Variants in AGBL1 observed in about 807,000 individuals in gnomAD.
AGBL1 encodes cytosolic carboxypeptidase 4.
A neutral mutation model predicts 118.9 loss-of-function variants in AGBL1; 130 were observed. That is an observed-to-expected ratio of 1.09 (90% CI 0.95 to 1.26). The LOEUF (loss-of-function observed/expected upper bound fraction) is 1.26. Among genes scored for constraint, AGBL1 ranks in the 50% most tolerant of loss-of-function variants. AGBL1 has a pLI of 0.00. For synonymous variants in AGBL1, 555 were observed against 478.9 expected (o/e 1.16, Z -2.08); for missense variants, 1,584 against 1,298.1 (o/e 1.22, Z -3.38).
At chr15:86,515,990 C>G (rs2083116178) in intron 18 of AGBL1, among the ~76,000 whole-genome samples, 1 of 152,160 alleles carries the variant, frequency 6.6e-6, no homozygotes, top group Non-Finnish European at 1.5e-5. Context: ...AAAGGTGGGA[C>G]AACTCAAAGC....
chr15:86,724,716 T>C (rs550486623), intron 22 of AGBL1, among the ~76,000 whole-genome samples: 4 of 152,150 alleles, frequency 2.6e-5, no homozygotes, highest in Admixed American at 2.0e-4. Flanking sequence ...GTTGGGGTCA[T>C]GGGAGTGGAT....
At chr15:86,744,320 A>T (rs2077722882) in intron 22 of AGBL1, among the ~76,000 whole-genome samples, 1 of 152,146 alleles carries the variant, frequency 6.6e-6, no homozygotes, top group Non-Finnish European at 1.5e-5. Context: ...CTTTCTGCTC[A>T]GGAATAAATT....
chr15:86,653,955 A>G (rs74027348), intron 21 of AGBL1, among the ~76,000 whole-genome samples: 1 of 152,278 alleles, frequency 6.6e-6, no homozygotes, highest in African/African-American at 2.4e-5. Flanking sequence ...ATGAAAGCAG[A>G]TTAGAGCAGA....
chr15:86,685,599 A>G (rs1433834108), intron 22 of AGBL1, among the ~76,000 whole-genome samples: 1 of 152,114 alleles, frequency 6.6e-6, no homozygotes, highest in Non-Finnish European at 1.5e-5. Flanking sequence ...TGGAAGTGTG[A>G]TAAAGATTTG....
At chr15:86,512,251 T>C (rs753648169) in intron 18 of AGBL1, among the ~76,000 whole-genome samples, 3 of 151,932 alleles carry the variant, frequency 2.0e-5, no homozygotes, top group Non-Finnish European at 4.4e-5. Flanking sequence ...AATGTCCATA[T>C]CTTTCTGCTC....
At chr15:86,717,148 G>A (rs1267988532) in intron 22 of AGBL1, among the ~76,000 whole-genome samples, 2 of 152,186 alleles carry the variant, frequency 1.3e-5, no homozygotes, top group Non-Finnish European at 2.9e-5. Flanking sequence ...GATGAAAGAA[G>A]CCACAAGGGA....
intron 18 of AGBL1, among the ~76,000 whole-genome samples, chr15:86,449,766 G>A (rs1420336942): frequency 6.6e-6 from 1 of 152,178 alleles, no homozygotes; most frequent in Non-Finnish European, 1.5e-5. Context: ...GGTGTTCAGT[G>A]AGGCAGATTC....
intron 18 of AGBL1, among the ~76,000 whole-genome samples, chr15:86,459,718 C>G (rs1477962749): frequency 6.6e-6 from 1 of 152,038 alleles, no homozygotes; most frequent in East Asian, 1.9e-4. Flanking sequence ...AGGTCATATG[C>G]TTTTTGGAAA....
At chr15:86,406,904 A>G (rs531947610) in intron 18 of AGBL1, among the ~76,000 whole-genome samples, 2 of 152,260 alleles carry the variant, frequency 1.3e-5, no homozygotes, top group East Asian at 3.9e-4. Context: ...AAAGATGAAT[A>G]TTTTGTTTAT....
chr15:86,696,665 T>G (rs2086267590), intron 22 of AGBL1, among the ~76,000 whole-genome samples: 1 of 151,934 alleles, frequency 6.6e-6, no homozygotes, highest in Non-Finnish European at 1.5e-5. Flanking sequence ...TTGTTGTTTT[T>G]TTAATTGTAT....
chr15:86,996,872 G>A (rs1036332163), intron 24 of AGBL1, among the ~76,000 whole-genome samples: 7 of 152,034 alleles, frequency 4.6e-5, no homozygotes, highest in African/African-American at 1.4e-4. Flanking sequence ...TAAAAACAAT[G>A]ACAAAACTTG....
chr15:86,941,243 T>C (rs982152910), intron 23 of AGBL1, among the ~76,000 whole-genome samples: 8 of 152,202 alleles, frequency 5.3e-5, no homozygotes, highest in African/African-American at 1.9e-4. Context: ...TTCCTCCACA[T>C]TTGAAATGTA....
At chr15:86,923,542 T>A (rs189810394) in intron 23 of AGBL1, among the ~76,000 whole-genome samples, 2 of 152,248 alleles carry the variant, frequency 1.3e-5, no homozygotes, top group South Asian at 4.1e-4. Flanking sequence ...CTTCTATCCA[T>A]GAACGCTTAA....
intron 24 of AGBL1, among the ~76,000 whole-genome samples, chr15:87,006,081 G>A (rs552918890): frequency 2.8e-4 from 42 of 152,192 alleles, no homozygotes; most frequent in Non-Finnish European, 5.4e-4. Flanking sequence ...GTACCCAGCC[G>A]TTTGAGGTAT....
intron 24 of AGBL1, among the ~76,000 whole-genome samples, chr15:87,021,788 G>A (rs74668760): frequency 0.068 from 10,384 of 152,180 alleles, 518 homozygotes; most frequent in East Asian, 0.27. Flanking sequence ...CTCAGACAGA[G>A]CAGCATGTGG....
At chr15:86,792,477 C>T (rs1455004882) in intron 22 of AGBL1, among the ~76,000 whole-genome samples, 1 of 152,008 alleles carries the variant, frequency 6.6e-6, no homozygotes, top group Non-Finnish European at 1.5e-5. Flanking sequence ...TTGAGAGTGG[C>T]CTGTAAGATT....
chr15:86,646,037 C>T lies in AGBL1; in HGVS notation c.2995-28236C>T, dbSNP rs540534041. Reference sequence around the variant, plus strand: ...ATAACTCCTCTGAATGTGTAATATCCCTGCTCTCTTTCCCAGCCAGGTTGG... The same window carrying T: ...ATAACTCCTCTGAATGTGTAATATCTCTGCTCTCTTTCCCAGCCAGGTTGG... On this transcript the variant is annotated intron_variant, in intron 21 of 22. Coordinates refer to ENST00000614907, the MANE Select transcript of AGBL1 (RefSeq NM_001386094.1). 5.3e-5 allele frequency among the ~76,000 whole-genome samples: 8 copies of T among 152,224 alleles called. No homozygotes were observed. In the South Asian group the frequency reaches 1.7e-3, roughly 32 times the overall value.
intron 23 of AGBL1, among the ~76,000 whole-genome samples, chr15:86,971,399 T>A (rs1483092054): frequency 6.6e-6 from 1 of 151,998 alleles, no homozygotes; most frequent in Non-Finnish European, 1.5e-5. Flanking sequence ...TAAACAGCAT[T>A]CTACAGTAAG....
At chr15:86,555,951 A>T (rs979088891) in intron 21 of AGBL1, among the ~76,000 whole-genome samples, 2 of 152,178 alleles carry the variant, frequency 1.3e-5, no homozygotes, top group African/African-American at 4.8e-5. Flanking sequence ...CCTTATGGAC[A>T]TAGGTTTGTG....
Sources: gnomAD v4.1 joint callset for allele counts (sites outside exome capture counted in the v4.1 genomes callset) on GRCh38, gnomAD v4.1.1 for gene constraint, MANE v1.5 for transcripts, NCBI Gene and HGNC (gene_info 2026-07-23, HGNC 2026-07-21) for gene names.